CATSPERD: variants seen among roughly 807,000 people sequenced by gnomAD.
The protein encoded by CATSPERD is cation channel sperm-associated auxiliary subunit delta.
In CATSPERD, 86 loss-of-function variants were observed where a neutral mutation model predicts 98.1. The observed-to-expected ratio is 0.88, with a 90% CI of 0.74 to 1.05. The LOEUF is 1.05. CATSPERD is among the 50% of genes least tolerant of loss of function. CATSPERD has a pLI of 0.00. For missense variants in CATSPERD, 995 were observed against 1,005.7 expected (o/e 0.99, Z 0.14); for synonymous variants, 394 against 390.2 (o/e 1.01, Z -0.12).
chr19:5,749,754 T>A (rs972805070), intron 11 of CATSPERD, among the ~76,000 whole-genome samples: 1 of 151,646 alleles, frequency 6.6e-6, no homozygotes, highest in Non-Finnish European at 1.5e-5. Flanking sequence ...TGGTACTAAG[T>A]GGTGGTGCAG....
intron 16 of CATSPERD, among the ~76,000 whole-genome samples, chr19:5,763,999 C>T (rs1296291342): frequency 6.6e-6 from 1 of 151,512 alleles, no homozygotes; most frequent in Non-Finnish European, 1.5e-5. Context: ...CAAGCATGTG[C>T]CACCATGCCC....
intron 11 of CATSPERD, among the ~76,000 whole-genome samples, 166 bp downstream of exon 11, chr19:5,749,349 G>A (rs1023715875): frequency 3.3e-5 from 5 of 151,948 alleles, no homozygotes; most frequent in East Asian, 1.9e-4. Context: ...AAAATTAGCC[G>A]AGCCTGGTGG....
At chr19:5,726,253 G>C (rs1250244666) in intron 2 of CATSPERD, among the ~76,000 whole-genome samples, 1 of 151,552 alleles carries the variant, frequency 6.6e-6, no homozygotes, top group Non-Finnish European at 1.5e-5. Flanking sequence ...GTAGAGACGG[G>C]GTTTCACCAT....
chr19:5,773,010 CA>C, intron 20 of CATSPERD, 45 bp downstream of exon 20: 1 of 1,593,118 alleles, frequency 6.3e-7, no homozygotes, highest in Admixed American at 1.7e-5. Flanking sequence ...AGCAGCCCAC[CA>C]GGGGGTGGGA....
At chr19:5,763,847 CTTT>C (rs56352544) in intron 16 of CATSPERD, among the ~76,000 whole-genome samples, 10 of 62,134 alleles carry the variant, frequency 1.6e-4, no homozygotes, top group Non-Finnish European at 2.2e-4. Context: ...TCTTGAACTC[CTTT>C]TTTTTTTTTT....
At chr19:5,763,401 C>A (rs1169552031) in intron 16 of CATSPERD, 108 bp downstream of exon 16, 2 of 800,618 alleles carry the variant, frequency 2.5e-6, no homozygotes, top group Middle Eastern at 2.4e-4. Flanking sequence ...TGCACTCCAA[C>A]CTGGGTGCAA....
At chr19:5,753,418 T>C (rs935659112) in intron 12 of CATSPERD, 20 of 161,018 alleles carry the variant, frequency 1.2e-4, no homozygotes, top group Admixed American at 3.8e-4. Flanking sequence ...AAAAATTAGC[T>C]GGGCGTGGTG....
chr19:5,751,783 C>A lies in CATSPERD; in HGVS notation c.1124C>A (p.Ala375Glu). The change falls in exon 12 of 22, where the codon GCG (alanine) becomes GAG (glutamate). Residue 375 changes from alanine (A) to glutamate (E), a missense_variant. Ala to Glu is a moderately radical substitution (Grantham distance 107). Around this residue, in one of 3 missense-constraint regions of CATSPERD, gnomAD observed 762 missense variants for 773.7 expected, o/e 0.98. Transcript: ENST00000381624. The part of the protein sequence containing the change: ...DFQKCLVNIQ[A>E]LLMDPELHVG... ...CAGAAGTGCCTCGTGAATATCCAGGCGCTTCTCATGGACCCTGAACTCCAC... is the reference window on the plus strand; with the variant it reads ...CAGAAGTGCCTCGTGAATATCCAGGAGCTTCTCATGGACCCTGAACTCCAC... 2 of 1,613,534 alleles carry A rather than the reference C, an allele frequency of 1.2e-6. No homozygotes were observed. Among genetic ancestry groups the A allele is most frequent in the Non-Finnish European group, 1.7e-6 (2 of 1,179,816 alleles).
chr19:5,723,670 T>G (rs1388041937), intron 1 of CATSPERD, among the ~76,000 whole-genome samples: 1 of 151,876 alleles, frequency 6.6e-6, no homozygotes, highest in African/African-American at 2.4e-5. Flanking sequence ...TTCACCGTGT[T>G]AGCCAGGATG....
chr19:5,745,385 G>A (rs937830860), intron 8 of CATSPERD, among the ~76,000 whole-genome samples: 1 of 152,076 alleles, frequency 6.6e-6, no homozygotes, highest in African/African-American at 2.4e-5. Context: ...TTGGAAGTCC[G>A]AGGCGGGCAG....
At chr19:5,768,145 T>C in intron 17 of CATSPERD, 23 bp from the exon 18 acceptor site, 1 of 1,608,636 alleles carries the variant, frequency 6.2e-7, no homozygotes, top group Non-Finnish European at 8.5e-7. Context: ...ATGCCATTGC[T>C]CAATGTCCAC....
Position 5,748,140 on chromosome 19 carries a change from C to A in CATSPERD, c.809-20C>A, listed in dbSNP as rs2056131059. The A allele has an allele frequency of 6.2e-7, 1 of 1,603,776 alleles. No homozygotes were observed. Among genetic ancestry groups the A allele is most frequent in the African/African-American group, 1.3e-5 (1 of 74,710 alleles). ...CAGGATGTACACGGGGCCTCATGCACCTGTCCTGTTACCTCCTAGGTCAGC... is the reference window on the plus strand; with the variant it reads ...CAGGATGTACACGGGGCCTCATGCAACTGTCCTGTTACCTCCTAGGTCAGC... On this transcript the variant is annotated intron_variant, in intron 9 of 21. Transcript: ENST00000381624.
intron 15 of CATSPERD, among the ~76,000 whole-genome samples, chr19:5,761,884 C>A (rs1410087278): frequency 2.0e-5 from 3 of 150,160 alleles, no homozygotes; most frequent in South Asian, 2.1e-4. Flanking sequence ...TGCCACCACG[C>A]CCGGCTAATT....
intron 13 of CATSPERD, among the ~76,000 whole-genome samples, chr19:5,756,715 T>TGGG (rs1568362738): frequency 2.0e-5 from 3 of 148,678 alleles, no homozygotes; most frequent in Non-Finnish European, 3.0e-5. Context: ...GAGGCCGAGG[T>TGGG]GGGGGGATTG....
chr19:5,745,338 G>A (rs2145754290), intron 8 of CATSPERD, among the ~76,000 whole-genome samples: 1 of 152,254 alleles, frequency 6.6e-6, no homozygotes, highest in Non-Finnish European at 1.5e-5. Context: ...TCAAAATGAG[G>A]CCGGGTGCAG....
At chr19:5,778,303 C>G in intron 21 of CATSPERD, 73 bp from the exon 22 acceptor site, 1 of 1,406,016 alleles carries the variant, frequency 7.1e-7, no homozygotes, top group Non-Finnish European at 9.8e-7. Context: ...GGTCTGAACA[C>G]CTTTGCCAGA....
At chr19:5,757,634 T>C (rs1381532431) in intron 13 of CATSPERD, among the ~76,000 whole-genome samples, 1 of 141,684 alleles carries the variant, frequency 7.1e-6, no homozygotes, top group Non-Finnish European at 1.5e-5. Context: ...AGAGACAGGA[T>C]CTCTCTGTGT....
chr19:5,766,280 G>A (rs867622305), intron 17 of CATSPERD, 125 bp downstream of exon 17: 55 of 409,324 alleles, frequency 1.3e-4, no homozygotes, highest in Non-Finnish European at 1.9e-4. Flanking sequence ...GCGAAACCCC[G>A]TCTCTACTGA....
intron 9 of CATSPERD, 52 bp from the exon 10 acceptor site, chr19:5,748,108 C>T (rs376814869): frequency 1.4e-6 from 2 of 1,475,334 alleles, no homozygotes; most frequent in Non-Finnish European, 1.9e-6. Context: ...GTAGACATCC[C>T]CTTTCCCAGG....
Sources: allele counts gnomAD v4.1 joint callset (sites outside exome capture counted in the v4.1 genomes callset), GRCh38; gene constraint gnomAD v4.1.1; regional missense constraint gnomAD v4.1.1; transcripts MANE v1.5; gene names NCBI Gene and HGNC (gene_info 2026-07-23, HGNC 2026-07-21).